CHIC1: variants seen among roughly 807,000 people sequenced by gnomAD.
CHIC1 encodes cysteine rich hydrophobic domain 1.
A neutral mutation model predicts 18.5 loss-of-function variants in CHIC1; 7 were observed. The ratio of observed to expected loss-of-function variants is 0.38; its 90% CI spans 0.22 to 0.71. The LOEUF (loss-of-function observed/expected upper bound fraction) is 0.71, where lower values mean the gene tolerates loss of function less well. Among genes scored for constraint, CHIC1 ranks in the 30% least tolerant of loss-of-function variants. The pLI is 0.49. For missense variants in CHIC1, 159 were observed against 176.9 expected, an observed-to-expected ratio of 0.90 and a Z score of 0.57; for synonymous variants, 77 against 73.5, an observed-to-expected ratio of 1.05 and a Z score of -0.25.
chrX:73,680,210 A>G (rs1307437009), intron 5 of CHIC1, among the ~76,000 whole-genome samples: 1 of 109,556 alleles, frequency 9.1e-6, no homozygotes, highest in Non-Finnish European at 1.9e-5. Context: ...AAATTCACAT[A>G]TAGCCAATGT....
intron 3 of CHIC1, among the ~76,000 whole-genome samples, chrX:73,665,076 C>T (rs761287524): frequency 8.9e-6 from 1 of 112,249 alleles, no homozygotes; most frequent in Non-Finnish European, 1.9e-5. Context: ...AACAGGCAGG[C>T]CAAGAGCTCC....
chrX:73,579,676 G>A (rs1328310560), intron 2 of CHIC1, among the ~76,000 whole-genome samples: 1 of 110,215 alleles, frequency 9.1e-6, no homozygotes, highest in Admixed American at 9.7e-5. Context: ...AGGACACAAA[G>A]AACCCTTTGG....
At chrX:73,679,789 A>C (rs1372270545) in intron 5 of CHIC1, 76 bp downstream of exon 5, 1 of 533,095 alleles carries the variant, frequency 1.9e-6, no homozygotes, top group Admixed American at 5.5e-5. Context: ...TCATTTGTCA[A>C]CTATTCCTTC....
intron 3 of CHIC1, among the ~76,000 whole-genome samples, chrX:73,677,991 GTTT>G (rs371037548): frequency 4.2e-4 from 34 of 80,410 alleles, no homozygotes; most frequent in African/African-American, 1.8e-3. Flanking sequence ...TTTGGAGGTT[GTTT>G]TTTTTTTTTT....
intron 3 of CHIC1, among the ~76,000 whole-genome samples, chrX:73,621,695 C>T (rs1319687544): frequency 8.9e-6 from 1 of 111,823 alleles, no homozygotes; most frequent in Non-Finnish European, 1.9e-5. Context: ...ATTTCTTTGT[C>T]TTGCCTGATT....
chrX:73,627,155 AAAAG>A (rs1281810920), intron 3 of CHIC1, among the ~76,000 whole-genome samples: 1 of 110,294 alleles, frequency 9.1e-6, no homozygotes, highest in East Asian at 2.8e-4. Context: ...AAAAAAAAAA[AAAAG>A]AGTCTTTCTC....
chrX:73,658,467 A>G (rs903283060), intron 3 of CHIC1, among the ~76,000 whole-genome samples: 1 of 106,626 alleles, frequency 9.4e-6, no homozygotes, highest in East Asian at 2.9e-4. Context: ...TTGTATTTCT[A>G]TGTGGTCAGT....
At chrX:73,678,677 T>C (rs1210446616) in intron 3 of CHIC1, among the ~76,000 whole-genome samples, 1 of 112,580 alleles carries the variant, frequency 8.9e-6, no homozygotes. Flanking sequence ...TTACAAAATA[T>C]ACAGATTCTA....
chrX:73,577,577 A>T (rs2057506025), intron 2 of CHIC1, 116 bp downstream of exon 2: 1 of 529,132 alleles, frequency 1.9e-6, no homozygotes, highest in African/African-American at 2.3e-5. Context: ...AGGAGGCCTC[A>T]GTAGTTGGAA....
chrX:73,622,398 C>T (rs2057764488), intron 3 of CHIC1, among the ~76,000 whole-genome samples: 2 of 111,369 alleles, frequency 1.8e-5, no homozygotes, highest in Non-Finnish European at 3.8e-5. Context: ...TTCAGGGATT[C>T]GACTCCTTCC....
Position 73,563,501 on chromosome X carries a change from C to T in CHIC1, c.217C>T (p.Pro73Ser). 8.6e-7 allele frequency: 1 copy of T among 1,166,135 alleles called. No individual in the cohort carries two copies. The highest frequency in any genetic ancestry group is 1.1e-6 in the Non-Finnish European group (1 of 872,307). Residue 73 changes from proline to serine, a missense_variant, in exon 1 of 6, where the codon CCT becomes TCT. Coordinates refer to ENST00000373502, the MANE Select transcript of CHIC1 (RefSeq NM_001039840.4). ...EEEEEEAPPP[P>S]RVVSEEHLRR... ...AGAGGAGGAGGAAGCGCCGCCCCCG[C>T]CTCGGGTAGTGAGCGAGGAGCATCT...
chrX:73,593,540 G>A (rs1028814914), intron 3 of CHIC1, among the ~76,000 whole-genome samples: 1 of 111,469 alleles, frequency 9.0e-6, no homozygotes, highest in Non-Finnish European at 1.9e-5. Flanking sequence ...TCTGTCTCAG[G>A]AGTCCTAATG....
rs2147637884 is a variant in CHIC1 at position 73,684,095 on chromosome X, G to A, written c.*3090G>A. 1 of 111,564 alleles carries A rather than the reference G, an allele frequency of 9.0e-6. No homozygotes were observed. The highest frequency in any genetic ancestry group is 3.8e-4 in the South Asian group (1 of 2,665). The allele number at this position is 111,564 out of a possible 1,213,427, so 9.2% of individuals were successfully genotyped here. The stretch of plus-strand genomic sequence containing the variant: ...AACTAGGTCTAAGAATACTTTACTA[G>A]TGTATTATCTTTTATTTATTATGTA... On this transcript the variant is annotated 3_prime_UTR_variant, in exon 6 of 6. Transcript: ENST00000373502.
chrX:73,604,518 G>A (rs1432799186), intron 3 of CHIC1, among the ~76,000 whole-genome samples: 1 of 106,170 alleles, frequency 9.4e-6, no homozygotes, highest in Non-Finnish European at 1.9e-5. Context: ...GTTCTGCTCT[G>A]ATCTTAATTA....
chrX:73,674,584 C>T (rs752851272), intron 3 of CHIC1, among the ~76,000 whole-genome samples: 1 of 111,717 alleles, frequency 9.0e-6, no homozygotes, highest in African/African-American at 3.3e-5. Context: ...GTGATATCCC[C>T]TTTATCATTT....
intron 3 of CHIC1, among the ~76,000 whole-genome samples, chrX:73,660,062 G>A (rs1341776341): frequency 8.9e-6 from 1 of 111,976 alleles, no homozygotes; most frequent in Non-Finnish European, 1.9e-5. Context: ...CAGCCAAAGT[G>A]GAATCCATTA....
intron 3 of CHIC1, among the ~76,000 whole-genome samples, chrX:73,625,332 T>C (rs939227648): frequency 9.0e-6 from 1 of 111,428 alleles, no homozygotes; most frequent in African/African-American, 3.3e-5. Flanking sequence ...AGTTTCAACA[T>C]GTGGTTCTCT....
Position 73,681,280 on chromosome X carries a change from G to C in CHIC1, c.*275G>C. 4.5e-6 allele frequency: 1 copy of C among 222,284 alleles called. No individual in the cohort carries two copies. The highest frequency in any genetic ancestry group is 8.0e-6 in the Non-Finnish European group (1 of 124,826). 18.3% of individuals were successfully genotyped at this position (222,284 alleles called of 1,213,427 possible). ...AGTTGCCATTAAAGATAAATCATCA[G>C]TGTTGGTGTTTAAAAAACAAAAACT... On this transcript the variant is annotated 3_prime_UTR_variant, in exon 6 of 6. Coordinates refer to ENST00000373502, the MANE Select transcript of CHIC1 (RefSeq NM_001039840.4).
intron 3 of CHIC1, among the ~76,000 whole-genome samples, chrX:73,645,756 G>A (rs1276522202): frequency 9.0e-6 from 1 of 111,350 alleles, no homozygotes; most frequent in Admixed American, 9.5e-5. Context: ...TTGGTAATTG[G>A]ATTGTTTTAC....
Sources: allele counts gnomAD v4.1 joint callset (sites outside exome capture counted in the v4.1 genomes callset), GRCh38; gene constraint gnomAD v4.1.1; transcripts MANE v1.5; gene names NCBI Gene and HGNC (gene_info 2026-07-23, HGNC 2026-07-21).